Variants in FHIT observed in about 807,000 individuals in gnomAD.
The protein encoded by FHIT is bis(5'-adenosyl)-triphosphatase.
FHIT carries 19 observed loss-of-function variants against 17.9 expected under a neutral mutation model. The ratio of observed to expected loss-of-function variants is 1.06; its 90% CI spans 0.74 to 1.56. The LOEUF (loss-of-function observed/expected upper bound fraction) is 1.56, where lower values mean the gene tolerates loss of function less well. Among genes scored for constraint, FHIT ranks in the 40% most tolerant of loss-of-function variants. The probability of loss-of-function intolerance (pLI) is 0.00; values close to 1 mark genes in which losing one functional copy is unlikely to be tolerated. For missense variants in FHIT, 248 were observed against 189.2 expected (o/e 1.31, Z -1.82); for synonymous variants, 81 against 69.7 (o/e 1.16, Z -0.81).
chr3:60,628,862 A>G (rs1354204154), intron 4 of FHIT, among the ~76,000 whole-genome samples: 1 of 152,178 alleles, frequency 6.6e-6, no homozygotes, highest in African/African-American at 2.4e-5. Context: ...CTGGAGCTCC[A>G]GAGCTGGCAG....
At chr3:61,038,774 T>C (rs934121669) in intron 3 of FHIT, among the ~76,000 whole-genome samples, 9 of 152,204 alleles carry the variant, frequency 5.9e-5, no homozygotes, top group African/African-American at 2.2e-4. Flanking sequence ...AGTAAAAATC[T>C]TGATGATTAT....
intron 4 of FHIT, among the ~76,000 whole-genome samples, chr3:60,561,126 C>T (rs1321592821): frequency 6.6e-6 from 1 of 151,784 alleles, no homozygotes; most frequent in Non-Finnish European, 1.5e-5. Flanking sequence ...CTTAGAAGAG[C>T]CTACTGTTGT....
At chr3:60,145,654 C>T (rs536971936) in intron 5 of FHIT, among the ~76,000 whole-genome samples, 29 of 152,174 alleles carry the variant, frequency 1.9e-4, no homozygotes, top group Non-Finnish European at 3.8e-4. Flanking sequence ...ATGGTCCTAG[C>T]TGACATACCA....
At chr3:60,804,821 A>C (rs1575546645) in intron 4 of FHIT, among the ~76,000 whole-genome samples, 1 of 152,166 alleles carries the variant, frequency 6.6e-6, no homozygotes, top group South Asian at 2.1e-4. Flanking sequence ...ATCCTCCAAA[A>C]CCATTCTTCA....
chr3:60,517,390 T>A (rs1186241239), intron 5 of FHIT, among the ~76,000 whole-genome samples: 8 of 151,960 alleles, frequency 5.3e-5, no homozygotes, highest in African/African-American at 1.9e-4. Context: ...ATTCCCTCCA[T>A]CAAATATGAG....
intron 5 of FHIT, among the ~76,000 whole-genome samples, chr3:60,326,674 G>A (rs945667145): frequency 2.0e-5 from 3 of 152,136 alleles, no homozygotes; most frequent in Admixed American, 6.5e-5. Flanking sequence ...GGTAATTACT[G>A]TGTACGATAT....
chr3:59,954,221 G>GTTTTTTTTTT (rs5849313), intron 7 of FHIT, among the ~76,000 whole-genome samples: 8 of 120,974 alleles, frequency 6.6e-5, no homozygotes, highest in Non-Finnish European at 1.2e-4. Flanking sequence ...ATTTTGTTCT[G>GTTTTTTTTTT]TTTTTTTTTC....
intron 5 of FHIT, among the ~76,000 whole-genome samples, chr3:60,421,869 G>A (rs1702482674): frequency 6.6e-6 from 1 of 152,114 alleles, no homozygotes; most frequent in South Asian, 2.1e-4. Flanking sequence ...TATGGAAAAT[G>A]CATACTTCCA....
At chr3:59,855,511 T>C (rs1279047204) in intron 8 of FHIT, among the ~76,000 whole-genome samples, 2 of 152,182 alleles carry the variant, frequency 1.3e-5, no homozygotes, top group Admixed American at 6.5e-5. Context: ...CCACTTGATA[T>C]TTTACTATGA....
At chr3:60,328,136 C>T (rs151199287) in intron 5 of FHIT, among the ~76,000 whole-genome samples, 1 of 150,896 alleles carries the variant, frequency 6.6e-6, no homozygotes, top group African/African-American at 2.4e-5. Context: ...TCCAATCCAA[C>T]TGTAAGGGAG....
At chr3:60,285,940 C>T (rs6446117) in intron 5 of FHIT, among the ~76,000 whole-genome samples, 41,114 of 152,012 alleles carry the variant, frequency 0.27, 6,156 homozygotes, top group East Asian at 0.64. Context: ...TTATAACTCA[C>T]GGCTAGCCAC....
chr3:61,086,065 A>AT (rs1429950221), intron 2 of FHIT, among the ~76,000 whole-genome samples: 3 of 152,144 alleles, frequency 2.0e-5, no homozygotes, highest in Non-Finnish European at 4.4e-5. Flanking sequence ...AAAGAATTTT[A>AT]TTGTTTCCTT....
At chr3:60,278,912 C>G (rs1403459509) in intron 5 of FHIT, among the ~76,000 whole-genome samples, 1 of 152,084 alleles carries the variant, frequency 6.6e-6, no homozygotes, top group Non-Finnish European at 1.5e-5. Context: ...ATTTAAAGAA[C>G]TGAACACATA....
At chr3:60,636,017 C>T (rs2039575247) in intron 4 of FHIT, among the ~76,000 whole-genome samples, 1 of 152,056 alleles carries the variant, frequency 6.6e-6, no homozygotes, top group Admixed American at 6.6e-5. Flanking sequence ...GGATTCATGA[C>T]TTTAACCCAG....
chr3:60,912,530 G>A (rs767483531), intron 3 of FHIT, among the ~76,000 whole-genome samples: 9 of 152,216 alleles, frequency 5.9e-5, no homozygotes, highest in Admixed American at 1.3e-4. Flanking sequence ...TGAGCTGAAG[G>A]CAGTTGAGAA....
chr3:60,954,724 C>T (rs1709037624), intron 3 of FHIT, among the ~76,000 whole-genome samples: 1 of 152,024 alleles, frequency 6.6e-6, no homozygotes, highest in Admixed American at 6.5e-5. Flanking sequence ...TTGGATAATA[C>T]CCAGATAATC....
chr3:61,249,939 C>T (rs1406861927), intron 1 of FHIT, among the ~76,000 whole-genome samples: 1 of 51,262 alleles, frequency 2.0e-5, no homozygotes, highest in African/African-American at 1.9e-4. Flanking sequence ...TAACAACACA[C>T]ACACACACAC....
At chr3:60,662,909 T>G (rs1411687444) in intron 4 of FHIT, among the ~76,000 whole-genome samples, 3 of 151,846 alleles carry the variant, frequency 2.0e-5, no homozygotes, top group African/African-American at 7.3e-5. Flanking sequence ...AATTTTTGTA[T>G]GAAGGTATGA....
intron 5 of FHIT, among the ~76,000 whole-genome samples, chr3:60,321,118 A>C (rs1709408420): frequency 6.6e-6 from 1 of 152,126 alleles, no homozygotes; most frequent in Admixed American, 6.6e-5. Context: ...AACTCTAAGC[A>C]ACAGTTATAA....
Sources: allele counts gnomAD v4.1 joint callset (sites outside exome capture counted in the v4.1 genomes callset), GRCh38; gene constraint gnomAD v4.1.1; transcripts MANE v1.5; gene names NCBI Gene and HGNC (gene_info 2026-07-23, HGNC 2026-07-21).